The following PTPN11 variants were observed in gnomAD, a reference collection of about 807,000 sequenced individuals.
The protein encoded by PTPN11 is tyrosine-protein phosphatase non-receptor type 11.
Under a neutral mutation model 78.8 loss-of-function variants are expected in PTPN11, and 6 were observed. That is an observed-to-expected ratio of 0.08 (90% CI 0.04 to 0.15). The LOEUF (loss-of-function observed/expected upper bound fraction) is 0.15. Ranked by LOEUF, PTPN11 falls within the 10% of genes least tolerant of loss-of-function variation. The pLI is 1.00. For missense variants in PTPN11, 386 were observed against 744.8 expected (o/e 0.52, Z 5.61); for synonymous variants, 221 against 263.5 (o/e 0.84, Z 1.56).
intron 3 of PTPN11, among the ~76,000 whole-genome samples, chr12:112,451,937 G>A (rs1189186010): frequency 1.3e-5 from 2 of 151,980 alleles, no homozygotes; most frequent in Non-Finnish European, 2.9e-5. Context: ...GTCAAGTGAC[G>A]CGATCTCGGC....
At chr12:112,488,982 C>T in intron 12 of PTPN11, 42 bp from the exon 13 acceptor site, 2 of 1,611,168 alleles carry the variant, frequency 1.2e-6, no homozygotes, top group Non-Finnish European at 8.5e-7. Flanking sequence ...TTCATCCTGG[C>T]TCTGCAGTTT....
chr12:112,486,577 C>T lies in PTPN11; in HGVS notation c.1327C>T (p.His443Tyr), dbSNP rs779236638. The T allele has an allele frequency of 3.5e-5, 57 of 1,613,866 alleles. No individual in the cohort carries two copies. Among genetic ancestry groups the T allele is most frequent in the Non-Finnish European group, 4.6e-5 (54 of 1,180,056 alleles). The part of the protein sequence containing the change: ...GGVLDFLEEV[H>Y]HKQESIMDAG... ...CGTGCTGGACTTCCTGGAGGAGGTG[C>T]ACCATAAGCAGGAGAGCATCATGGA... Residue 443 changes from histidine (H) to tyrosine (Y), a missense_variant, in exon 11 of 16, where the codon CAC (histidine) becomes TAC (tyrosine). By Grantham distance (83) the His-to-Tyr change is moderately conservative. Coordinates refer to ENST00000351677, the MANE Select transcript of PTPN11 (RefSeq NM_002834.5).
rs2038104289 is a variant in PTPN11, at chr12:112,453,312, T to C, written c.450T>C (p.Ser150=). The change falls in exon 4 of 16, where the codon TCT becomes TCC. Residue 150 remains serine (S), a synonymous_variant. Transcript: ENST00000351677. ...SQSHPGDFVL[S]VRTGDDKGES... Reference sequence around the variant, plus strand: ...GCCACCCTGGAGATTTTGTTCTTTCTGTGCGCACTGGTGATGACAAAGGGG... The same window carrying C: ...GCCACCCTGGAGATTTTGTTCTTTCCGTGCGCACTGGTGATGACAAAGGGG... 6.2e-7 allele frequency: 1 copy of C among 1,614,034 alleles called. No homozygotes were observed. The highest frequency in any genetic ancestry group is 8.5e-7 in the Non-Finnish European group (1 of 1,180,044).
intron 2 of PTPN11, among the ~76,000 whole-genome samples, chr12:112,448,790 T>G (rs2038032214): frequency 6.6e-6 from 1 of 152,208 alleles, no homozygotes; most frequent in South Asian, 2.1e-4. Context: ...TATAGTAACC[T>G]TTTGCATATA....
rs568442606 is a variant in PTPN11 at position 112,432,941 on chromosome 12, A to G, written c.15-13335A>G. On this transcript the variant is annotated intron_variant, in intron 1 of 15. Transcript: ENST00000351677. ...AGTGGCGTGATCTGGGCTTACTGAA[A>G]CCTCCACCTCCTGGGTTCAAGCGAT... 2.8e-3 allele frequency among the ~76,000 whole-genome samples: 431 copies of G among 151,274 alleles called. 5 individuals carry two copies. Among genetic ancestry groups the G allele is most frequent in the African/African-American group, 9.7e-3 (401 of 41,166 alleles).
chr12:112,487,908 C>T (rs537496705), intron 11 of PTPN11, among the ~76,000 whole-genome samples: 5 of 152,132 alleles, frequency 3.3e-5, no homozygotes, highest in South Asian at 4.1e-4. Flanking sequence ...CTCAGCCTCC[C>T]GAGTAGCTGG....
chr12:112,489,262 C>A, intron 13 of PTPN11, 87 bp downstream of exon 13: 1 of 1,480,060 alleles, frequency 6.8e-7, no homozygotes, highest in South Asian at 1.1e-5. Context: ...AGGACAGGCT[C>A]TGATAGACAA....
At chr12:112,437,513 G>A (rs988506769) in intron 1 of PTPN11, among the ~76,000 whole-genome samples, 8 of 152,024 alleles carry the variant, frequency 5.3e-5, no homozygotes, top group African/African-American at 9.7e-5. Flanking sequence ...ACTTTGTTAC[G>A]GTGCATTATT....
intron 1 of PTPN11, among the ~76,000 whole-genome samples, chr12:112,441,828 G>GA (rs1431297073): frequency 6.6e-6 from 1 of 151,746 alleles, no homozygotes; most frequent in Non-Finnish European, 1.5e-5. Context: ...GCCCAGGCTG[G>GA]AGTGCAGTGG....
intron 13 of PTPN11, among the ~76,000 whole-genome samples, chr12:112,500,224 CAG>C (rs1271111794): frequency 2.6e-5 from 4 of 152,166 alleles, no homozygotes. Context: ...GCCTGGGTGA[CAG>C]AGCAAGACTC....
intron 13 of PTPN11, 98 bp from the exon 14 acceptor site, chr12:112,502,046 C>A: frequency 1.1e-6 from 1 of 902,914 alleles, no homozygotes; most frequent in African/African-American, 1.7e-5. Flanking sequence ...TTTTTTCTTT[C>A]TCCCTCTTTT....
At chr12:112,477,281 T>G (rs1271985891) in intron 7 of PTPN11, among the ~76,000 whole-genome samples, 2 of 152,274 alleles carry the variant, frequency 1.3e-5, no homozygotes, top group East Asian at 3.9e-4. Context: ...CCTCCCAAAG[T>G]GCTGAAATTA....
intron 13 of PTPN11, among the ~76,000 whole-genome samples, chr12:112,489,443 G>C (rs1441829076): frequency 1.3e-5 from 2 of 152,204 alleles, no homozygotes; most frequent in Non-Finnish European, 2.9e-5. Context: ...GAAAGGTTCT[G>C]ATGTTCTCAG....
At chr12:112,502,048 C>A in intron 13 of PTPN11, 96 bp from the exon 14 acceptor site, 1 of 926,848 alleles carries the variant, frequency 1.1e-6, no homozygotes, top group Non-Finnish European at 1.7e-6. Context: ...TTTTCTTTCT[C>A]CCTCTTTTTT....
At chr12:112,434,041 A>G (rs1230032504) in intron 1 of PTPN11, among the ~76,000 whole-genome samples, 1 of 152,164 alleles carries the variant, frequency 6.6e-6, no homozygotes, top group Non-Finnish European at 1.5e-5. Flanking sequence ...TCACACTTGT[A>G]ATCCCTGCAC....
At chr12:112,428,581 T>C (rs1289505112) in intron 1 of PTPN11, among the ~76,000 whole-genome samples, 1 of 151,870 alleles carries the variant, frequency 6.6e-6, no homozygotes, top group African/African-American at 2.4e-5. Flanking sequence ...AATTACAGAA[T>C]TGTCAGTGAT....
chr12:112,456,627 T>G (rs1207368585), intron 6 of PTPN11, among the ~76,000 whole-genome samples: 1 of 152,066 alleles, frequency 6.6e-6, no homozygotes, highest in Non-Finnish European at 1.5e-5. Flanking sequence ...GCCTGGCTAA[T>G]TTTTGTATTT....
At chr12:112,486,860 A>G (rs1231203848) in intron 11 of PTPN11, 2 of 1,427,300 alleles carry the variant, frequency 1.4e-6, no homozygotes, top group East Asian at 2.5e-5. Flanking sequence ...TTAAAACAGC[A>G]AAGACTAAGT....
intron 6 of PTPN11, among the ~76,000 whole-genome samples, chr12:112,471,341 T>G (rs1448243879): frequency 2.0e-5 from 3 of 152,050 alleles, no homozygotes; most frequent in African/African-American, 7.2e-5. Context: ...CATTAAACAC[T>G]AGGCTTTTTG....
Sources: allele counts gnomAD v4.1 joint callset (sites outside exome capture counted in the v4.1 genomes callset), GRCh38; gene constraint gnomAD v4.1.1; transcripts MANE v1.5; gene names NCBI Gene and HGNC (gene_info 2026-07-23, HGNC 2026-07-21).